The following NAALADL2 variants were observed in gnomAD, a reference collection of about 807,000 sequenced individuals.
NAALADL2 encodes inactive N-acetylated-alpha-linked acidic dipeptidase-like protein 2.
Under a neutral mutation model 87.2 loss-of-function variants are expected in NAALADL2, and 76 were observed. The observed-to-expected ratio is 0.87, with a 90% CI of 0.72 to 1.05. NAALADL2 has a LOEUF of 1.05. Among genes scored for constraint, NAALADL2 ranks in the 50% least tolerant of loss-of-function variants. NAALADL2 has a pLI of 0.00. For synonymous variants in NAALADL2, 354 were observed against 331.0 expected (o/e 1.07, Z -0.75); for missense variants, 1,089 against 945.8 (o/e 1.15, Z -1.99).
At chr3:175,647,377 A>G (rs1483207079) in intron 11 of NAALADL2, among the ~76,000 whole-genome samples, 1 of 152,140 alleles carries the variant, frequency 6.6e-6, no homozygotes, top group Non-Finnish European at 1.5e-5. Flanking sequence ...AAAAAAAGAC[A>G]GAAATGTATA....
At chr3:174,605,543 G>T (rs560346634) in intron 2 of NAALADL2, among the ~76,000 whole-genome samples, 19 of 148,440 alleles carry the variant, frequency 1.3e-4, no homozygotes, top group African/African-American at 4.7e-4. Context: ...AGGGTCCTAC[G>T]CCCACGGAGT....
chr3:175,322,185 A>C (rs1452206267), intron 4 of NAALADL2, among the ~76,000 whole-genome samples: 4 of 151,258 alleles, frequency 2.6e-5, no homozygotes, highest in Admixed American at 6.6e-5. Flanking sequence ...ATAATGCCGC[A>C]TACCTACAAC....
intron 11 of NAALADL2, among the ~76,000 whole-genome samples, chr3:175,659,022 C>T (rs1731898841): frequency 6.6e-6 from 1 of 152,150 alleles, no homozygotes; most frequent in Non-Finnish European, 1.5e-5. Context: ...CTGGACCACA[C>T]AGTCTTGAAT....
At chr3:175,134,663 A>T (rs960700543) in intron 2 of NAALADL2, among the ~76,000 whole-genome samples, 5 of 151,824 alleles carry the variant, frequency 3.3e-5, no homozygotes, top group Admixed American at 6.6e-5. Context: ...GCTCTTTTGA[A>T]GACTAAGGGT....
At chr3:175,099,496 C>T (rs1173260077) in intron 2 of NAALADL2, among the ~76,000 whole-genome samples, 2 of 152,146 alleles carry the variant, frequency 1.3e-5, no homozygotes, top group Non-Finnish European at 1.5e-5. Context: ...ATAAACATAA[C>T]AGCTCCTCAT....
chr3:175,309,341 A>G (rs537614184), intron 4 of NAALADL2, among the ~76,000 whole-genome samples: 6 of 152,098 alleles, frequency 3.9e-5, no homozygotes, highest in Admixed American at 1.3e-4. Context: ...ACCCACCACC[A>G]TGCCCAGCTA....
intron 2 of NAALADL2, among the ~76,000 whole-genome samples, chr3:174,735,661 G>A (rs1454824971): frequency 6.6e-6 from 1 of 152,164 alleles, no homozygotes; most frequent in Non-Finnish European, 1.5e-5. Flanking sequence ...ACAGGCTCAA[G>A]TGATCCTTCC....
intron 4 of NAALADL2, among the ~76,000 whole-genome samples, chr3:175,317,803 ATAATGT>A (rs952248446): frequency 2.0e-5 from 3 of 152,222 alleles, no homozygotes; most frequent in Non-Finnish European, 2.9e-5. Context: ...TTAAAAAGAA[ATAATGT>A]TAATTGTTGG....
At chr3:175,231,621 A>G (rs893994802) in intron 2 of NAALADL2, among the ~76,000 whole-genome samples, 13 of 152,124 alleles carry the variant, frequency 8.5e-5, no homozygotes, top group African/African-American at 3.1e-4. Flanking sequence ...AACTGAGACC[A>G]ACAAAAGGAA....
At chr3:175,014,360 C>T (rs1750547787) in intron 1 of NAALADL2, among the ~76,000 whole-genome samples, 4 of 152,144 alleles carry the variant, frequency 2.6e-5, no homozygotes, top group Admixed American at 2.6e-4. Context: ...ACAATCCTTA[C>T]TCCCTATTCT....
chr3:174,801,159 G>C (rs1446506503), intron 3 of NAALADL2, among the ~76,000 whole-genome samples: 1 of 152,186 alleles, frequency 6.6e-6, no homozygotes, highest in Non-Finnish European at 1.5e-5. Context: ...CATGAGATTT[G>C]GGAGGTGCTG....
chr3:175,600,800 G>A (rs1033454025), intron 10 of NAALADL2, among the ~76,000 whole-genome samples: 1 of 152,022 alleles, frequency 6.6e-6, no homozygotes, highest in Non-Finnish European at 1.5e-5. Context: ...GCCTCCCAAA[G>A]TGCTGGGATT....
At position 175,256,469 on chromosome 3, in the gene NAALADL2, T is replaced by TA. The variant is rs1401122434; in HGVS notation, c.884dup (p.Asn295LysfsTer19). On this transcript the variant is annotated frameshift_variant, in exon 4 of 14. Transcript: ENST00000454872. LOFTEE classifies it high-confidence loss of function. ...GATGATTTAAAAAGGATTAGGAAAA[T>TA]AAAAAACGTAACAAATCAGATCGCA... The TA allele has an allele frequency of 6.2e-7, 1 of 1,612,242 alleles. No individual in the cohort carries two copies.
intron 3 of NAALADL2, among the ~76,000 whole-genome samples, chr3:175,243,887 A>T (rs1420947731): frequency 6.6e-6 from 1 of 152,152 alleles, no homozygotes; most frequent in East Asian, 1.9e-4. Flanking sequence ...AGGTAATTTT[A>T]AAACTTCTCT....
At chr3:175,689,433 T>C (rs945195465) in intron 11 of NAALADL2, among the ~76,000 whole-genome samples, 1 of 152,068 alleles carries the variant, frequency 6.6e-6, no homozygotes, top group Non-Finnish European at 1.5e-5. Flanking sequence ...TTTAGAATAA[T>C]AGAAAAAAGG....
chr3:174,671,959 A>G (rs1726583905), intron 2 of NAALADL2, among the ~76,000 whole-genome samples: 1 of 151,740 alleles, frequency 6.6e-6, no homozygotes, highest in Non-Finnish European at 1.5e-5. Context: ...GATGATGATG[A>G]TGACAGTGGT....
intron 2 of NAALADL2, among the ~76,000 whole-genome samples, chr3:174,624,906 TTTTAA>T (rs1432982995): frequency 6.6e-6 from 1 of 152,108 alleles, no homozygotes; most frequent in African/African-American, 2.4e-5. Flanking sequence ...ACATTAGTAT[TTTTAA>T]TTTAAGAAAA....
At position 174,769,425 on chromosome 3, in the gene NAALADL2, T is replaced by G. The variant is rs559083526; in HGVS notation, c.-9+31679T>G. ...GTGAGGTGAGGAATTCAGTTACACA[T>G]GTAAACTACTTTTTATAAAATATGT... On this transcript the variant is annotated intron_variant, in intron 3 of 3. Coordinates refer to the NAALADL2 transcript ENST00000434257. Among the ~76,000 whole-genome samples, 5 of 152,194 alleles carry G rather than the reference T, an allele frequency of 3.3e-5. No individual in the cohort carries two copies. The South Asian group carries it at 1.0e-3, about 32-fold the overall frequency.
In NAALADL2 at chr3:175,315,047, C is replaced by T. The variant is rs1052557436; in HGVS notation, c.940-9128C>T. ...GGAAGAAAGACAAAATACAATGTCA[C>T]TTGGTTTACTGTGGGCATACAAATA... On this transcript the variant is annotated intron_variant, in intron 4 of 13. Coordinates refer to ENST00000454872, the MANE Select transcript of NAALADL2 (RefSeq NM_207015.3). Among the ~76,000 whole-genome samples, 3 of 152,004 alleles carry T rather than the reference C, an allele frequency of 2.0e-5. No individual in the cohort carries two copies. In the South Asian group the frequency reaches 6.2e-4, roughly 32 times the overall value.
Sources: allele counts gnomAD v4.1 joint callset (sites outside exome capture counted in the v4.1 genomes callset), GRCh38; gene constraint gnomAD v4.1.1; transcripts MANE v1.5; gene names NCBI Gene and HGNC (gene_info 2026-07-23, HGNC 2026-07-21).